Variants in TMEM178B observed in about 807,000 individuals in gnomAD.
TMEM178B encodes the protein transmembrane protein 178B.
In TMEM178B, 5 loss-of-function variants were observed where a neutral mutation model predicts 31.0. The observed-to-expected ratio is 0.16, with a 90% confidence interval of 0.08 to 0.34. TMEM178B has a LOEUF of 0.34. Among genes scored for constraint, TMEM178B ranks in the 10% least tolerant of loss-of-function variants. TMEM178B has a pLI of 1.00. For synonymous variants in TMEM178B, 164 were observed against 164.0 expected, an observed-to-expected ratio of 1.00 and a Z score of 0.00; for missense variants, 275 against 400.3, an observed-to-expected ratio of 0.69 and a Z score of 2.67.
At chr7:141,263,747 T>C (rs1368637998) in intron 2 of TMEM178B, among the ~76,000 whole-genome samples, 1 of 152,200 alleles carries the variant, frequency 6.6e-6, no homozygotes, top group Admixed American at 6.5e-5. Context: ...CAGTGGCCTC[T>C]GCAATGTTAG....
rs146247400 is a variant in TMEM178B, at chr7:141,124,379, A to G, written c.382+49687A>G. Among the ~76,000 whole-genome samples, 801 of 152,080 alleles carry G rather than the reference A, an allele frequency of 5.3e-3. 4 individuals carry two copies. The highest frequency in any genetic ancestry group is 6.5e-3 in the Non-Finnish European group (444 of 67,948). ...GAGACTCTGACTAAAAAAAAAATAG[A>G]AAAAAAAGTTTCAAATAAATGTGAA... On this transcript the variant is annotated intron_variant, in intron 1 of 3. Transcript: ENST00000565468.
intron 2 of TMEM178B, among the ~76,000 whole-genome samples, chr7:141,241,590 CAAAAA>C (rs766018973): frequency 2.6e-5 from 2 of 75,972 alleles, no homozygotes; most frequent in Non-Finnish European, 2.4e-5. Context: ...GACTTCGTCT[CAAAAA>C]AAAAAAAAAA....
intron 2 of TMEM178B, among the ~76,000 whole-genome samples, chr7:141,350,540 G>C (rs956529495): frequency 1.3e-5 from 2 of 152,086 alleles, no homozygotes; most frequent in Non-Finnish European, 2.9e-5. Context: ...ATTAAATATG[G>C]TGCTGCTGAC....
chr7:141,304,681 G>A (rs1007886664), intron 2 of TMEM178B, among the ~76,000 whole-genome samples: 3 of 152,122 alleles, frequency 2.0e-5, no homozygotes, highest in Admixed American at 6.5e-5. Flanking sequence ...GCATCATCTT[G>A]ATTTAGCATG....
intron 2 of TMEM178B, among the ~76,000 whole-genome samples, chr7:141,424,061 A>C (rs1459443971): frequency 6.7e-6 from 1 of 150,326 alleles, no homozygotes; most frequent in Non-Finnish European, 1.5e-5. Context: ...CAGATGATCC[A>C]CCCACCTTGG....
rs1009188053 is a variant in TMEM178B at position 141,226,872 on chromosome 7, A to G, written c.496+14168A>G. ...GACTACCACTCTGAAAAAAAAAAAA[A>G]AAGAAAAAGAAAAAAGTAATTACTA... On this transcript the variant is annotated intron_variant, in intron 2 of 3. Transcript: ENST00000565468. Among the ~76,000 whole-genome samples the G allele has an allele frequency of 6.2e-4, 82 of 132,534 alleles. 2 individuals are homozygous for G. Among genetic ancestry groups the G allele is most frequent in the Non-Finnish European group, 2.2e-4 (14 of 62,600 alleles). 86.9% of individuals were successfully genotyped at this position (132,534 alleles called of 152,430 possible). A position where few individuals can be genotyped will look rare whatever the true frequency, so the allele number is the denominator to read the frequency against.
Position 141,212,636 on chromosome 7 carries a change from C to T in TMEM178B, c.428C>T (p.Ala143Val). ...TACATCAAATACCACTACTCCTCAG[C>T]AACCATCCCCAGGAACCTCACTTTC... ...CTYIKYHYSS[A>V]TIPRNLTFNI... Residue 143 changes from alanine (A) to valine (V), a missense_variant, in exon 2 of 4, where the codon GCA (alanine) becomes GTA (valine). Coordinates refer to ENST00000565468, the MANE Select transcript of TMEM178B (RefSeq NM_001195278.2). The T allele has an allele frequency of 6.5e-7, 1 of 1,536,128 alleles. No homozygotes were observed. Among genetic ancestry groups the T allele is most frequent in the Non-Finnish European group, 8.7e-7 (1 of 1,146,904 alleles).
intron 1 of TMEM178B, among the ~76,000 whole-genome samples, chr7:141,183,965 C>G (rs1296280038): frequency 6.6e-6 from 1 of 152,186 alleles, no homozygotes; most frequent in Non-Finnish European, 1.5e-5. Context: ...CTGGACCTCT[C>G]TGAGGTCAGC....
intron 1 of TMEM178B, among the ~76,000 whole-genome samples, chr7:141,077,848 C>A (rs1401568602): frequency 6.6e-6 from 1 of 152,178 alleles, no homozygotes; most frequent in Non-Finnish European, 1.5e-5. Flanking sequence ...AATATTGCAA[C>A]AAATGCTACA....
intron 1 of TMEM178B, among the ~76,000 whole-genome samples, chr7:141,133,060 A>T (rs1047425764): frequency 6.6e-6 from 1 of 152,190 alleles, no homozygotes; most frequent in Non-Finnish European, 1.5e-5. Context: ...CCCAAATAAC[A>T]TTATAGATAT....
intron 1 of TMEM178B, among the ~76,000 whole-genome samples, chr7:141,165,300 A>G (rs962205038): frequency 8.5e-5 from 13 of 152,156 alleles, no homozygotes; most frequent in Admixed American, 3.3e-4. Context: ...GTTTTTCACA[A>G]TCTTGATAGT....
intron 2 of TMEM178B, among the ~76,000 whole-genome samples, chr7:141,433,076 G>GTA: frequency 6.6e-6 from 1 of 152,324 alleles, no homozygotes; most frequent in African/African-American, 2.4e-5. Flanking sequence ...TCAGGGTGCT[G>GTA]TAGTGAACTT....
intron 2 of TMEM178B, among the ~76,000 whole-genome samples, chr7:141,371,203 G>A (rs1343908675): frequency 7.9e-5 from 12 of 152,140 alleles, no homozygotes; most frequent in African/African-American, 2.2e-4. Flanking sequence ...GGAGGTGCTC[G>A]CATTATGGGC....
chr7:141,233,164 A>G (rs1228186954), intron 2 of TMEM178B, among the ~76,000 whole-genome samples: 1 of 152,200 alleles, frequency 6.6e-6, no homozygotes, highest in African/African-American at 2.4e-5. Context: ...CTGTCAGCAC[A>G]CTATTTAAGT....
intron 1 of TMEM178B, among the ~76,000 whole-genome samples, chr7:141,155,156 A>G (rs1037031271): frequency 6.6e-6 from 1 of 152,112 alleles, no homozygotes; most frequent in Admixed American, 6.5e-5. Flanking sequence ...CAGGGCTGAA[A>G]ACAGGGGACA....
intron 2 of TMEM178B, among the ~76,000 whole-genome samples, chr7:141,238,355 A>T (rs1797562433): frequency 6.6e-6 from 1 of 152,180 alleles, no homozygotes; most frequent in Non-Finnish European, 1.5e-5. Flanking sequence ...CCCAGGGAAA[A>T]GAGAGGGAGG....
At chr7:141,159,559 C>T (rs150291652) in intron 1 of TMEM178B, among the ~76,000 whole-genome samples, 6 of 152,210 alleles carry the variant, frequency 3.9e-5, no homozygotes, top group African/African-American at 1.4e-4. Context: ...ACGTGTTCAC[C>T]GACAGACAAA....
At chr7:141,305,280 T>C (rs1798797417) in intron 2 of TMEM178B, among the ~76,000 whole-genome samples, 2 of 152,190 alleles carry the variant, frequency 1.3e-5, no homozygotes, top group Non-Finnish European at 2.9e-5. Context: ...TAGTAGCCAA[T>C]GCTCATAGAA....
At chr7:141,400,869 C>T (rs926758150) in intron 2 of TMEM178B, among the ~76,000 whole-genome samples, 1 of 152,172 alleles carries the variant, frequency 6.6e-6, no homozygotes, top group Non-Finnish European at 1.5e-5. Flanking sequence ...CACCATCACC[C>T]GTCTGGCTTG....
Sources: allele counts gnomAD v4.1 joint callset (sites outside exome capture counted in the v4.1 genomes callset), GRCh38; gene constraint gnomAD v4.1.1; transcripts MANE v1.5; gene names NCBI Gene and HGNC (gene_info 2026-07-23, HGNC 2026-07-21).